Variants in GALNT17 observed in about 807,000 individuals in gnomAD.
The protein encoded by GALNT17 is UDP-GalNAc:polypeptide N-acetylgalactosaminyltransferase-like 3.
In GALNT17, 29 loss-of-function variants were observed where a neutral mutation model predicts 63.7. The ratio of observed to expected loss-of-function variants is 0.46; its 90% CI spans 0.34 to 0.62. GALNT17 has a LOEUF of 0.62. Ranked by LOEUF, GALNT17 falls within the 20% of genes least tolerant of loss-of-function variation. The pLI is 0.01. For missense variants in GALNT17, 603 were observed against 799.6 expected (o/e 0.75, Z 2.97); for synonymous variants, 305 against 318.3 (o/e 0.96, Z 0.45).
chr7:71,694,342 A>G (rs1029352254), intron 9 of GALNT17, among the ~76,000 whole-genome samples: 2 of 146,624 alleles, frequency 1.4e-5, no homozygotes, highest in Non-Finnish European at 3.0e-5. Context: ...ACTATGATGT[A>G]ATCTATAATT....
intron 2 of GALNT17, among the ~76,000 whole-genome samples, chr7:71,385,152 G>A (rs1284070128): frequency 6.6e-6 from 1 of 152,260 alleles, no homozygotes; most frequent in East Asian, 1.9e-4. Flanking sequence ...CAGCCAGGAA[G>A]GCCTGCAGAT....
intron 2 of GALNT17, among the ~76,000 whole-genome samples, chr7:71,343,125 A>C (rs1049929812): frequency 2.0e-5 from 3 of 152,196 alleles, no homozygotes; most frequent in Admixed American, 6.5e-5. Context: ...CTTCATTGCA[A>C]ACTAATCCTA....
rs1274870507 is a variant in GALNT17, at chr7:71,132,728, G to T, written c.-75G>T. The T allele has an allele frequency of 1.6e-6, 2 of 1,284,628 alleles. No individual in the cohort carries two copies. The highest frequency in any genetic ancestry group is 1.5e-5 in the South Asian group (1 of 67,890). 79.6% of individuals were successfully genotyped at this position (1,284,628 alleles called of 1,614,324 possible). ...GCCGTCTGGTGTGTGAGGCTTGCAC[G>T]GCCCCTGGCTGCCCCGCGCCTCGCC... is the stretch of plus-strand genomic sequence containing the variant. On this transcript the variant is annotated 5_prime_UTR_variant, in exon 1 of 11. Transcript: ENST00000333538.
intron 1 of GALNT17, among the ~76,000 whole-genome samples, chr7:71,207,424 G>A (rs1267361300): frequency 6.6e-6 from 1 of 152,174 alleles, no homozygotes; most frequent in African/African-American, 2.4e-5. Context: ...GTTATGTGGA[G>A]CTGGATAATT....
At chr7:71,302,521 G>A (rs1178326756) in intron 1 of GALNT17, among the ~76,000 whole-genome samples, 4 of 151,802 alleles carry the variant, frequency 2.6e-5, no homozygotes, top group Admixed American at 2.0e-4. Flanking sequence ...TAGCGTACAT[G>A]TGCAGGGCCA....
chr7:71,434,308 T>C (rs1244634347), intron 5 of GALNT17, among the ~76,000 whole-genome samples: 1 of 152,146 alleles, frequency 6.6e-6, no homozygotes, highest in Non-Finnish European at 1.5e-5. Context: ...CCCTCACTAA[T>C]ACACCAAGGA....
At chr7:71,613,623 G>A (rs1790157483) in intron 6 of GALNT17, among the ~76,000 whole-genome samples, 1 of 152,006 alleles carries the variant, frequency 6.6e-6, no homozygotes, top group Admixed American at 6.6e-5. Context: ...TTATGTCTGG[G>A]TATTTTTAGC....
At chr7:71,535,840 T>C (rs1003886329) in intron 5 of GALNT17, among the ~76,000 whole-genome samples, 1 of 152,188 alleles carries the variant, frequency 6.6e-6, no homozygotes. Flanking sequence ...TGACTATTGG[T>C]TGGTAAACAT....
At chr7:71,614,176 A>G (rs1790164951) in intron 6 of GALNT17, among the ~76,000 whole-genome samples, 1 of 152,148 alleles carries the variant, frequency 6.6e-6, no homozygotes. Flanking sequence ...AGTTGGATCA[A>G]CCCAAATTTT....
intron 1 of GALNT17, among the ~76,000 whole-genome samples, chr7:71,191,577 G>A (rs1016097161): frequency 6.6e-6 from 1 of 152,174 alleles, no homozygotes; most frequent in Non-Finnish European, 1.5e-5. Flanking sequence ...GGGATAATTA[G>A]CTGACCCCAA....
At chr7:71,561,143 G>C (rs762360725) in intron 5 of GALNT17, among the ~76,000 whole-genome samples, 17 of 152,100 alleles carry the variant, frequency 1.1e-4, no homozygotes, top group Non-Finnish European at 2.2e-4. Flanking sequence ...CTCCCGAGTA[G>C]CTGGGACCAC....
intron 1 of GALNT17, among the ~76,000 whole-genome samples, chr7:71,315,439 G>A (rs1247941852): frequency 1.3e-5 from 2 of 152,168 alleles, no homozygotes; most frequent in Non-Finnish European, 2.9e-5. Context: ...ACCTTTGGAG[G>A]AAGTACCAGA....
intron 6 of GALNT17, among the ~76,000 whole-genome samples, chr7:71,598,364 C>T (rs956647466): frequency 2.0e-5 from 3 of 152,176 alleles, no homozygotes; most frequent in African/African-American, 4.8e-5. Flanking sequence ...TCAAAAGCAG[C>T]GGAGTGTGTC....
chr7:71,251,866 A>G (rs73190470), intron 1 of GALNT17, among the ~76,000 whole-genome samples: 10,716 of 152,262 alleles, frequency 0.07, 474 homozygotes, highest in Non-Finnish European at 0.089. Flanking sequence ...CCCAGGGCAC[A>G]TGCTGTGTGC....
intron 6 of GALNT17, among the ~76,000 whole-genome samples, chr7:71,653,795 C>T (rs11760841): frequency 0.31 from 47,320 of 151,970 alleles, 8,239 homozygotes; most frequent in Non-Finnish European, 0.39. Context: ...ATGCAAAGCT[C>T]TGTGTAAAAA....
At chr7:71,610,500 A>T (rs966817576) in intron 6 of GALNT17, among the ~76,000 whole-genome samples, 2 of 151,908 alleles carry the variant, frequency 1.3e-5, no homozygotes, top group Non-Finnish European at 2.9e-5. Context: ...AAAATAAAAA[A>T]TTTTCCCTAA....
chr7:71,238,943 C>T (rs1010681540), intron 1 of GALNT17, among the ~76,000 whole-genome samples: 2 of 152,248 alleles, frequency 1.3e-5, no homozygotes, highest in Non-Finnish European at 2.9e-5. Context: ...GCTGCCACAC[C>T]GTGAGGTCCC....
intron 9 of GALNT17, among the ~76,000 whole-genome samples, chr7:71,677,659 C>T (rs1166897293): frequency 6.6e-6 from 1 of 151,848 alleles, no homozygotes; most frequent in African/African-American, 2.4e-5. Context: ...GGACTACATG[C>T]GCCCGCCACT....
chr7:71,190,757 G>A (rs527947425), intron 1 of GALNT17, among the ~76,000 whole-genome samples: 1 of 152,020 alleles, frequency 6.6e-6, no homozygotes, highest in African/African-American at 2.4e-5. Flanking sequence ...TCAGCCTACC[G>A]AGTATCAGGG....
Sources: gnomAD v4.1 joint callset for allele counts (sites outside exome capture counted in the v4.1 genomes callset) on GRCh38, gnomAD v4.1.1 for gene constraint, MANE v1.5 for transcripts, NCBI Gene and HGNC (gene_info 2026-07-23, HGNC 2026-07-21) for gene names.